PPP1R12B: variants seen among roughly 807,000 people sequenced by gnomAD.
PPP1R12B encodes the protein myosin phosphatase target subunit 2.
Under a neutral mutation model 126.1 loss-of-function variants are expected in PPP1R12B, and 76 were observed. The observed-to-expected ratio is 0.60, with a 90% confidence interval of 0.50 to 0.73. The LOEUF (loss-of-function observed/expected upper bound fraction) is 0.73, where lower values mean the gene tolerates loss of function less well. PPP1R12B is among the 30% of genes least tolerant of loss of function. The pLI, the probability that PPP1R12B is intolerant of heterozygous loss-of-function variation, is 0.00. For synonymous variants in PPP1R12B, 356 were observed against 434.7 expected, an observed-to-expected ratio of 0.82 and a Z score of 2.25; for missense variants, 1,052 against 1,205.1, an observed-to-expected ratio of 0.87 and a Z score of 1.88.
At position 202,376,586 on chromosome 1, in the gene PPP1R12B, G is replaced by A. The variant is rs1468783992; in HGVS notation, c.291+27444G>A. Reference sequence around the variant, plus strand: ...AATTTTAAAAACAGTTTAGGGATTGGTATGAAAATACAATCTTATATATAA... The same window carrying A: ...AATTTTAAAAACAGTTTAGGGATTGATATGAAAATACAATCTTATATATAA... On this transcript the variant is annotated intron_variant, in intron 1 of 23. Coordinates refer to ENST00000608999, the MANE Select transcript of PPP1R12B (RefSeq NM_002481.4). 2.0e-5 allele frequency among the ~76,000 whole-genome samples: 3 copies of A among 152,214 alleles called. No homozygotes were observed. The South Asian group carries it at 6.2e-4, about 32-fold the overall frequency.
chr1:202,402,373 C>T (rs1015775908), intron 1 of PPP1R12B, among the ~76,000 whole-genome samples: 1 of 152,138 alleles, frequency 6.6e-6, no homozygotes, highest in Non-Finnish European at 1.5e-5. Context: ...TTGTGTTATT[C>T]ATTGGTTTGT....
chr1:202,404,744 G>A lies in PPP1R12B; in HGVS notation c.292-12043G>A, dbSNP rs956987547. Among the ~76,000 whole-genome samples, 3 of 152,132 alleles carry A rather than the reference G, an allele frequency of 2.0e-5. No individual in the cohort carries two copies. In the East Asian group the frequency reaches 5.8e-4, roughly 30 times the overall value. On this transcript the variant is annotated intron_variant, in intron 1 of 23. Transcript: ENST00000608999. Reference sequence around the variant, plus strand: ...TCTTGATCTCCTGACCTCATGATCCGCCCACCTTGGCCTCCCGGAGTGCTG... The same window carrying A: ...TCTTGATCTCCTGACCTCATGATCCACCCACCTTGGCCTCCCGGAGTGCTG...
rs574747425 is a variant in PPP1R12B, at chr1:202,476,293, C to T, written c.1851-12240C>T. Among the ~76,000 whole-genome samples, 345 of 151,362 alleles carry T rather than the reference C, an allele frequency of 2.3e-3. 1 individual carries two copies. The highest frequency in any genetic ancestry group is 8.0e-3 in the African/African-American group (332 of 41,254). On this transcript the variant is annotated intron_variant, in intron 13 of 23. Transcript: ENST00000608999. ...TTCTGTAATTAATGACCACAGCATC[C>T]TCAGTGGTCAGTATTAGATATATAC...
chr1:202,367,936 T>C (rs1028137964), intron 1 of PPP1R12B, among the ~76,000 whole-genome samples: 3 of 151,958 alleles, frequency 2.0e-5, no homozygotes, highest in African/African-American at 4.8e-5. Flanking sequence ...GTTCTCAAGA[T>C]AGTGAGTGCA....
At chr1:202,448,576 G>C (rs1672544291) in intron 12 of PPP1R12B, 1 of 167,928 alleles carries the variant, frequency 6.0e-6, no homozygotes, top group African/African-American at 2.4e-5. Flanking sequence ...TAAGGAACAG[G>C]TGGAGACTAA....
At chr1:202,575,926 A>G (rs940005754) in intron 23 of PPP1R12B, 1 of 152,196 alleles carries the variant, frequency 6.6e-6, no homozygotes, top group Non-Finnish European at 1.5e-5. Context: ...CTACCAGCAA[A>G]AACACTCTGC....
chr1:202,571,466 C>T (rs561494919), intron 23 of PPP1R12B, among the ~76,000 whole-genome samples: 12 of 151,418 alleles, frequency 7.9e-5, no homozygotes, highest in Middle Eastern at 3.4e-3. Context: ...CTCTTTGAGA[C>T]GGAGCCTCAC....
intron 1 of PPP1R12B, among the ~76,000 whole-genome samples, chr1:202,398,826 C>A (rs1022065497): frequency 6.6e-6 from 1 of 152,120 alleles, no homozygotes; most frequent in African/African-American, 2.4e-5. Context: ...TTTGGTGAAG[C>A]CTTTTGATGA....
intron 13 of PPP1R12B, among the ~76,000 whole-genome samples, chr1:202,455,211 G>T (rs200902807): frequency 0.36 from 54,914 of 151,482 alleles, 11,739 homozygotes; most frequent in East Asian, 0.59. Context: ...TATATAGAGA[G>T]AGAGAGAGAG....
At chr1:202,532,209 T>C (rs1370698744) in intron 18 of PPP1R12B, among the ~76,000 whole-genome samples, 3 of 152,216 alleles carry the variant, frequency 2.0e-5, no homozygotes, top group Admixed American at 6.5e-5. Context: ...AGCATGCTGA[T>C]ATTTTATAAT....
At chr1:202,460,365 A>G (rs548532194) in intron 13 of PPP1R12B, among the ~76,000 whole-genome samples, 2 of 152,328 alleles carry the variant, frequency 1.3e-5, no homozygotes, top group South Asian at 2.1e-4. Context: ...TTTATAAGCT[A>G]GGTAGTTATA....
intron 1 of PPP1R12B, among the ~76,000 whole-genome samples, chr1:202,389,565 C>T (rs1015421679): frequency 3.3e-5 from 5 of 151,314 alleles, no homozygotes; most frequent in South Asian, 4.2e-4. Context: ...TGCGTGAACC[C>T]GGGAGGTGGA....
intron 1 of PPP1R12B, among the ~76,000 whole-genome samples, chr1:202,377,962 C>A (rs1027406724): frequency 6.6e-6 from 1 of 150,664 alleles, no homozygotes; most frequent in Non-Finnish European, 1.5e-5. Flanking sequence ...CCTCAGCCTC[C>A]CGAGTAGCTG....
Position 202,589,391 on chromosome 1 carries a change from A to ATTC in PPP1R12B, c.*8836_*8838dup, listed in dbSNP as rs1418555398. 1.3e-5 allele frequency: 2 copies of ATTC among 152,170 alleles called. No individual in the cohort carries two copies. Among genetic ancestry groups the ATTC allele is most frequent in the Non-Finnish European group, 2.9e-5 (2 of 68,058 alleles). 9.4% of individuals were successfully genotyped at this position (152,170 alleles called of 1,614,324 possible). A position where few individuals can be genotyped will look rare whatever the true frequency, so the allele number is the denominator to read the frequency against. The stretch of plus-strand genomic sequence containing the variant: ...CTTGGGGAGAGGTCAGGGAGGGAAG[A>ATTC]TTCTTCTCCCCTGATGTCACCCAGC... On this transcript the variant is annotated 3_prime_UTR_variant, in exon 24 of 24. Transcript: ENST00000608999.
intron 18 of PPP1R12B, chr1:202,539,716 C>G (rs1004391063): frequency 6.4e-6 from 1 of 155,162 alleles, no homozygotes; most frequent in African/African-American, 2.4e-5. Flanking sequence ...GACTCGCTGC[C>G]GGCAGGATCC....
intron 1 of PPP1R12B, among the ~76,000 whole-genome samples, chr1:202,390,084 G>A (rs1469915452): frequency 6.6e-6 from 1 of 152,122 alleles, no homozygotes; most frequent in African/African-American, 2.4e-5. Context: ...TCAGCACAAA[G>A]GTAGACAAGT....
In PPP1R12B at chr1:202,508,117, A is replaced by T. The variant is rs766781561; in HGVS notation, c.2490+11295A>T. Among the ~76,000 whole-genome samples, 7 of 152,178 alleles carry T rather than the reference A, an allele frequency of 4.6e-5. No individual in the cohort carries two copies. The highest frequency in any genetic ancestry group is 7.3e-5 in the Non-Finnish European group (5 of 68,032). ...GTATAAAGCTTGTAAAAATGTAAAG[A>T]TGAATGGCCACCACCTCCCAATTTT... On this transcript the variant is annotated intron_variant, in intron 18 of 23. Coordinates refer to ENST00000608999, the MANE Select transcript of PPP1R12B (RefSeq NM_002481.4). The surrounding 1 kb of genome is among the most constrained non-coding windows in gnomAD (Gnocchi z 4.5).
chr1:202,371,037 T>C (rs12139911), intron 1 of PPP1R12B, among the ~76,000 whole-genome samples: 1 of 138,462 alleles, frequency 7.2e-6, no homozygotes, highest in Admixed American at 7.4e-5. Flanking sequence ...ATAGAGTCTC[T>C]CTCTGTCTCA....
chr1:202,405,994 G>A (rs964708034), intron 1 of PPP1R12B, among the ~76,000 whole-genome samples: 1 of 152,140 alleles, frequency 6.6e-6, no homozygotes, highest in African/African-American at 2.4e-5. Flanking sequence ...GATTTAAACT[G>A]CCTGTAATTT....
Sources: allele counts gnomAD v4.1 joint callset (sites outside exome capture counted in the v4.1 genomes callset), GRCh38; gene constraint gnomAD v4.1.1; non-coding constraint Gnocchi (gnomAD v3.1); transcripts MANE v1.5; gene names NCBI Gene and HGNC (gene_info 2026-07-23, HGNC 2026-07-21).